Variants in FOXP2 observed in about 807,000 individuals in gnomAD.
FOXP2 encodes the protein forkhead box protein P2.
A neutral mutation model predicts 115.8 loss-of-function variants in FOXP2; 12 were observed. That is an observed-to-expected ratio of 0.10 (90% CI 0.07 to 0.17). FOXP2 has a LOEUF of 0.17. FOXP2 is among the 10% of genes least tolerant of loss of function. FOXP2 has a pLI of 1.00. For missense variants in FOXP2, 629 were observed against 843.5 expected (o/e 0.75, Z 3.15); for synonymous variants, 328 against 297.7 (o/e 1.10, Z -1.05).
intron 1 of FOXP2, among the ~76,000 whole-genome samples, chr7:114,213,598 A>G (rs964437420): frequency 6.6e-6 from 1 of 152,134 alleles, no homozygotes; most frequent in African/African-American, 2.4e-5. Context: ...AAACTATATT[A>G]ATGTTTATAG....
chr7:114,393,287 T>C (rs1302553174), intron 2 of FOXP2, among the ~76,000 whole-genome samples: 1 of 152,114 alleles, frequency 6.6e-6, no homozygotes, highest in Non-Finnish European at 1.5e-5. Flanking sequence ...CATTTCCTTC[T>C]TCTTTTTTTC....
intron 3 of FOXP2, among the ~76,000 whole-genome samples, chr7:114,599,633 T>C (rs1035210921): frequency 6.6e-6 from 1 of 152,154 alleles, no homozygotes; most frequent in African/African-American, 2.4e-5. Context: ...TGTATTTTAA[T>C]GCCTATACAA....
chr7:114,648,941 A>G (rs533529955), intron 8 of FOXP2, among the ~76,000 whole-genome samples: 1 of 152,148 alleles, frequency 6.6e-6, no homozygotes, highest in South Asian at 2.1e-4. Flanking sequence ...AGGGGACATT[A>G]GGGACTGGAG....
At chr7:114,352,569 A>G (rs936031839) in intron 2 of FOXP2, among the ~76,000 whole-genome samples, 1 of 152,150 alleles carries the variant, frequency 6.6e-6, no homozygotes, top group African/African-American at 2.4e-5. Context: ...TTTTTTTCAC[A>G]GTTCTGGAGG....
intron 2 of FOXP2, among the ~76,000 whole-genome samples, chr7:114,454,514 A>T (rs1423486195): frequency 6.6e-6 from 1 of 151,442 alleles, no homozygotes; most frequent in African/African-American, 2.4e-5. Context: ...CCATCCCATT[A>T]CTGGGTATAT....
In FOXP2 at chr7:114,653,879, G is replaced by A. The variant is rs556199682; in HGVS notation, c.1183-47G>A. The A allele has an allele frequency of 9.0e-5, 139 of 1,549,162 alleles. 1 individual carries two copies. In the East Asian group the frequency reaches 3.1e-3, roughly 35 times the overall value. ...GATGTATCACTGCAATAAAATAGCT[G>A]TATCAGTCATTTCTAAAACGCTTCT... On this transcript the variant is annotated intron_variant, in intron 9 of 16. Coordinates refer to ENST00000350908, the MANE Select transcript of FOXP2 (RefSeq NM_014491.4).
intron 16 of FOXP2, among the ~76,000 whole-genome samples, chr7:114,688,604 A>G (rs1808498759): frequency 6.6e-6 from 1 of 152,136 alleles, no homozygotes; most frequent in Non-Finnish European, 1.5e-5. Flanking sequence ...TCATTGCAGC[A>G]CAACCCTTTC....
At chr7:114,086,733 A>G (rs1799428543), upstream of FOXP2, 1 of 230,032 alleles carries the variant, frequency 4.3e-6, no homozygotes, top group Admixed American at 6.4e-5. Context: ...CGGTGGCGAC[A>G]AAGTTTCGCC....
At chr7:114,169,396 A>G (rs559244830) in intron 1 of FOXP2, among the ~76,000 whole-genome samples, 1 of 152,250 alleles carries the variant, frequency 6.6e-6, no homozygotes, top group Admixed American at 6.5e-5. Context: ...ATCATTTTGG[A>G]GCTTTAAGAT....
chr7:114,521,532 C>CA (rs34666914), intron 2 of FOXP2, among the ~76,000 whole-genome samples: 45,294 of 81,784 alleles, frequency 0.55, 11,933 homozygotes, highest in Non-Finnish European at 0.61. Flanking sequence ...GACACTGTCT[C>CA]AAAAAAAAAA....
At position 114,472,961 on chromosome 7, in the gene FOXP2, A is replaced by T. The variant is rs558187737; in HGVS notation, c.168+46282A>T. 1.1e-4 allele frequency among the ~76,000 whole-genome samples: 16 copies of T among 152,298 alleles called. No individual in the cohort carries two copies. In the South Asian group the frequency reaches 3.3e-3, roughly 32 times the overall value. ...AAGAAGAAAATACAGTGGTAAACAA[A>T]TAAAACTCCCACTACTGTCTTCAGC... On this transcript the variant is annotated intron_variant, in intron 2 of 16. Coordinates refer to ENST00000350908, the MANE Select transcript of FOXP2 (RefSeq NM_014491.4).
intron 2 of FOXP2, among the ~76,000 whole-genome samples, chr7:114,507,301 A>C (rs550532015): frequency 6.6e-6 from 1 of 152,048 alleles, no homozygotes; most frequent in East Asian, 1.9e-4. Context: ...CCTTAAAGCC[A>C]TCTTAGCAAG....
chr7:114,484,752 T>G (rs910835057), intron 2 of FOXP2, among the ~76,000 whole-genome samples: 1 of 151,954 alleles, frequency 6.6e-6, no homozygotes, highest in African/African-American at 2.4e-5. Flanking sequence ...TAAGAATATT[T>G]TGTGCCTTTA....
chr7:114,557,998 G>A (rs1314772753), intron 3 of FOXP2, among the ~76,000 whole-genome samples: 2 of 151,724 alleles, frequency 1.3e-5, no homozygotes, highest in African/African-American at 2.4e-5. Flanking sequence ...TAGTAGAGAT[G>A]GGGTTTCACC....
intron 1 of FOXP2, among the ~76,000 whole-genome samples, chr7:114,101,825 C>T (rs187913193): frequency 1.1e-3 from 162 of 151,816 alleles, no homozygotes; most frequent in Middle Eastern, 3.4e-3. Flanking sequence ...TAAAGTGACT[C>T]ATTGTCCTCA....
intron 2 of FOXP2, among the ~76,000 whole-genome samples, chr7:114,408,383 C>T (rs1287700234): frequency 6.6e-6 from 1 of 151,946 alleles, no homozygotes; most frequent in Non-Finnish European, 1.5e-5. Context: ...TCATATATTC[C>T]ACATAATAGA....
chr7:114,296,978 A>C (rs1014043943), intron 2 of FOXP2: 1 of 218,326 alleles, frequency 4.6e-6, no homozygotes, highest in Non-Finnish European at 9.2e-6. Context: ...TAATTTTTTA[A>C]AAATTTTGCT....
intron 16 of FOXP2, chr7:114,667,402 C>A (rs1024948933): frequency 2.0e-5 from 3 of 152,080 alleles, no homozygotes; most frequent in African/African-American, 7.2e-5. Flanking sequence ...GAACTCCAGC[C>A]TGCACCACAG....
intron 2 of FOXP2, among the ~76,000 whole-genome samples, chr7:114,514,265 A>G (rs984848256): frequency 6.6e-6 from 1 of 152,100 alleles, no homozygotes; most frequent in Non-Finnish European, 1.5e-5. Context: ...TGTTATGATG[A>G]GAATATGTTA....
Sources: gnomAD v4.1 joint callset for allele counts (sites outside exome capture counted in the v4.1 genomes callset) on GRCh38, gnomAD v4.1.1 for gene constraint, MANE v1.5 for transcripts, NCBI Gene and HGNC (gene_info 2026-07-23, HGNC 2026-07-21) for gene names.